The following RASGRF2 variants were observed in gnomAD, a reference collection of about 807,000 sequenced individuals.
RASGRF2 encodes Ras protein specific guanine nucleotide releasing factor 2, also known as ras-specific guanine nucleotide-releasing factor 2.
A neutral mutation model predicts 151.0 loss-of-function variants in RASGRF2; 76 were observed. The observed-to-expected ratio is 0.50, with a 90% CI of 0.42 to 0.61. The LOEUF is 0.61. Among genes scored for constraint, RASGRF2 ranks in the 20% least tolerant of loss-of-function variants. The pLI, the probability that RASGRF2 is intolerant of heterozygous loss-of-function variation, is 0.00. For missense variants in RASGRF2, 1,148 were observed against 1,564.6 expected, an observed-to-expected ratio of 0.73 and a Z score of 4.49; for synonymous variants, 504 against 566.5, an observed-to-expected ratio of 0.89 and a Z score of 1.57.
chr5:81,048,297 T>A (rs1209116147), intron 2 of RASGRF2, among the ~76,000 whole-genome samples: 2 of 152,194 alleles, frequency 1.3e-5, no homozygotes, highest in East Asian at 3.8e-4. Context: ...TATTATTATT[T>A]GCTAAGAAAT....
At chr5:81,030,527 A>G (rs1750202567) in intron 1 of RASGRF2, among the ~76,000 whole-genome samples, 1 of 152,334 alleles carries the variant, frequency 6.6e-6, no homozygotes, top group South Asian at 2.1e-4. Context: ...TTTTCAACCC[A>G]GAATTTCATA....
intron 2 of RASGRF2, among the ~76,000 whole-genome samples, chr5:81,056,014 C>G (rs1054385443): frequency 1.3e-5 from 2 of 152,030 alleles, no homozygotes; most frequent in African/African-American, 4.8e-5. Context: ...TGATTCTTCT[C>G]TCTTTTCTTC....
chr5:81,133,118 A>G (rs1394892951), intron 17 of RASGRF2, among the ~76,000 whole-genome samples: 1 of 152,194 alleles, frequency 6.6e-6, no homozygotes, highest in Non-Finnish European at 1.5e-5. Flanking sequence ...AGGTGGTATA[A>G]TGAAAAAAAG....
chr5:81,082,012 G>A (rs1299411406), intron 7 of RASGRF2, among the ~76,000 whole-genome samples: 1 of 152,022 alleles, frequency 6.6e-6, no homozygotes, highest in East Asian at 1.9e-4. Flanking sequence ...ATATAGTATA[G>A]CATTCTTCTG....
chr5:81,062,449 G>A (rs1751473392), intron 2 of RASGRF2, among the ~76,000 whole-genome samples: 1 of 152,108 alleles, frequency 6.6e-6, no homozygotes, highest in African/African-American at 2.4e-5. Context: ...AGTATAATAA[G>A]TTAAGACATT....
chr5:81,201,554 T>A (rs1006666613), intron 19 of RASGRF2, 112 bp downstream of exon 19: 1 of 1,193,184 alleles, frequency 8.4e-7, no homozygotes. Flanking sequence ...GACTATGTTC[T>A]CAGCAGTAAA....
At chr5:81,005,312 T>C (rs1385733640) in intron 1 of RASGRF2, among the ~76,000 whole-genome samples, 3 of 152,128 alleles carry the variant, frequency 2.0e-5, no homozygotes, top group African/African-American at 7.2e-5. Flanking sequence ...TTCTTCATGC[T>C]GGCAGGAAGA....
intron 1 of RASGRF2, among the ~76,000 whole-genome samples, chr5:80,991,160 G>A (rs1748636513): frequency 1.3e-5 from 2 of 152,082 alleles, no homozygotes; most frequent in Admixed American, 6.6e-5. Flanking sequence ...TGCAAACTTG[G>A]GGCCAGGTGT....
chr5:81,217,587 T>TTC (rs1321848022), intron 25 of RASGRF2, 114 bp downstream of exon 25: 2 of 940,054 alleles, frequency 2.1e-6, no homozygotes, highest in Non-Finnish European at 2.9e-6. Flanking sequence ...TTTTTTTTTT[T>TTC]TTTTTTTTTT....
At chr5:81,223,636 G>A (rs1350645389) in intron 26 of RASGRF2, among the ~76,000 whole-genome samples, 6 of 150,592 alleles carry the variant, frequency 4.0e-5, no homozygotes, top group East Asian at 2.0e-4. Context: ...GCGAGACTCC[G>A]TCTCAGAAAA....
chr5:81,036,948 A>G (rs1480291464), intron 1 of RASGRF2, among the ~76,000 whole-genome samples: 1 of 152,230 alleles, frequency 6.6e-6, no homozygotes, highest in Admixed American at 6.5e-5. Context: ...GGTAATTTAC[A>G]AAGAAAGGAG....
At chr5:81,059,863 A>AAAAAAC (rs1751364204) in intron 2 of RASGRF2, among the ~76,000 whole-genome samples, 1 of 151,848 alleles carries the variant, frequency 6.6e-6, no homozygotes, top group African/African-American at 2.4e-5. Context: ...AACAAAAAAC[A>AAAAAAC]AAAAAAACAA....
chr5:81,126,924 G>A, intron 16 of RASGRF2, 150 bp from the exon 17 acceptor site: 2 of 743,642 alleles, frequency 2.7e-6, no homozygotes, highest in East Asian at 2.7e-5. Context: ...AATTCCTGAT[G>A]TGCAATCTTG....
chr5:81,101,990 G>T (rs1312784075), intron 12 of RASGRF2, among the ~76,000 whole-genome samples: 1 of 152,142 alleles, frequency 6.6e-6, no homozygotes, highest in East Asian at 1.9e-4. Context: ...GGAGGACTGA[G>T]CTGATTTAGG....
At chr5:81,211,217 G>A (rs908699962) in intron 22 of RASGRF2, among the ~76,000 whole-genome samples, 3 of 150,512 alleles carry the variant, frequency 2.0e-5, no homozygotes, top group Admixed American at 1.3e-4. Context: ...TAGACCAGAT[G>A]CCCCATGCTG....
rs1345540355 is a variant in RASGRF2, at chr5:80,966,109, ATG to A, written c.288+5094_288+5095del. ...TGTGTGTGTGTGTGTGTGTGTGTGT[ATG>A]TGTGTGTGTGGTGTTTATTCAGTTT... On this transcript the variant is annotated intron_variant, in intron 1 of 26. Transcript: ENST00000265080. Among the ~76,000 whole-genome samples the A allele has an allele frequency of 6.1e-4, 77 of 126,472 alleles. 1 individual carries two copies. In the East Asian group the frequency reaches 9.3e-3, roughly 15 times the overall value. The allele number at this position is 126,472 out of a possible 152,430, so 83.0% of individuals were successfully genotyped here.
At chr5:81,109,664 T>A (rs115658549) in intron 13 of RASGRF2, among the ~76,000 whole-genome samples, 1,571 of 149,920 alleles carry the variant, frequency 0.01, 17 homozygotes, top group South Asian at 0.038. Flanking sequence ...AGACTCCATT[T>A]AAAAAAAAAA....
chr5:81,210,099 A>G (rs1245555208), intron 22 of RASGRF2: 1 of 152,278 alleles, frequency 6.6e-6, no homozygotes, highest in Non-Finnish European at 1.5e-5. Flanking sequence ...CTCCCCTGCA[A>G]CCTCACTGCC....
chr5:81,188,914 G>C (rs1041596740), intron 18 of RASGRF2, among the ~76,000 whole-genome samples: 8 of 152,208 alleles, frequency 5.3e-5, no homozygotes, highest in Non-Finnish European at 1.2e-4. Flanking sequence ...CTCAAAATGT[G>C]AAACATAAAA....
Sources: gnomAD v4.1 joint callset for allele counts (sites outside exome capture counted in the v4.1 genomes callset) on GRCh38, gnomAD v4.1.1 for gene constraint, MANE v1.5 for transcripts, NCBI Gene and HGNC (gene_info 2026-07-23, HGNC 2026-07-21) for gene names.